Variants in PLXDC1 observed in about 807,000 individuals in gnomAD.
The protein encoded by PLXDC1 is plexin domain containing 1, also known as plexin domain-containing protein 1.
A neutral mutation model predicts 61.3 loss-of-function variants in PLXDC1; 39 were observed. The observed-to-expected ratio is 0.64, with a 90% CI of 0.49 to 0.83. PLXDC1 has a LOEUF of 0.83. Ranked by LOEUF, PLXDC1 falls within the 40% of genes least tolerant of loss-of-function variation. The probability of loss-of-function intolerance (pLI) is 0.00; values close to 1 mark genes in which losing one functional copy is unlikely to be tolerated. For synonymous variants in PLXDC1, 212 were observed against 254.5 expected (o/e 0.83, Z 1.59); for missense variants, 596 against 666.5 (o/e 0.89, Z 1.17).
At chr17:39,151,657 C>G (rs2045373983), upstream of PLXDC1, 1 of 494,446 alleles carries the variant, frequency 2.0e-6, no homozygotes, top group Non-Finnish European at 2.4e-6. The surrounding 1 kb of genome is among the most constrained non-coding windows in gnomAD (Gnocchi z 5.2). Flanking sequence ...GCTGGGGGGG[C>G]CGCTGGGTCG....
chr17:39,146,070 CTTTTTTTT>C (rs71141767), intron 1 of PLXDC1, among the ~76,000 whole-genome samples: 1 of 131,218 alleles, frequency 7.6e-6, no homozygotes, highest in Non-Finnish European at 1.6e-5. Flanking sequence ...CGGCCCATTC[CTTTTTTTT>C]TTTTTTTTTT....
At position 39,082,680 on chromosome 17, in the gene PLXDC1, C is replaced by T. The variant is rs556491899; in HGVS notation, c.989+779G>A. Among the ~76,000 whole-genome samples, 9 of 152,204 alleles carry T rather than the reference C, an allele frequency of 5.9e-5. No individual in the cohort carries two copies. The East Asian group carries it at 1.7e-3, about 29-fold the overall frequency. On this transcript the variant is annotated intron_variant, in intron 9 of 13. Coordinates refer to ENST00000315392, the MANE Select transcript of PLXDC1 (RefSeq NM_020405.5). ...GATTGCCTTAAAAGCCCTTGGAGTT[C>T]ATAGGACTTCCCACTCTCATGAGAA...
intron 2 of PLXDC1, among the ~76,000 whole-genome samples, chr17:39,127,416 T>A (rs1399842750): frequency 2.0e-5 from 3 of 151,984 alleles, no homozygotes; most frequent in Non-Finnish European, 4.4e-5. Context: ...TGCTTCCCAC[T>A]CCCACTGTGT....
At chr17:39,095,384 CCCCAA>C (rs1567759291) in intron 7 of PLXDC1, among the ~76,000 whole-genome samples, 1 of 35,164 alleles carries the variant, frequency 2.8e-5, no homozygotes, top group African/African-American at 1.1e-4. Context: ...CCCCCCAACC[CCCCAA>C]GCCTGGGTTA....
intron 2 of PLXDC1, chr17:39,131,870 A>T (rs959976571): frequency 1.3e-5 from 2 of 152,732 alleles, no homozygotes; most frequent in African/African-American, 4.8e-5. Flanking sequence ...CTGCGTTCTG[A>T]AAACCTTCTT....
intron 1 of PLXDC1, among the ~76,000 whole-genome samples, chr17:39,150,876 A>C (rs2045368029): frequency 6.6e-6 from 1 of 152,204 alleles, no homozygotes; most frequent in African/African-American, 2.4e-5. Flanking sequence ...TCCCAGGCAG[A>C]GACGCTGTGT....
In PLXDC1 at chr17:39,087,713, G is replaced by A. The variant is rs1185938657; in HGVS notation, c.812-11C>T. On this transcript the variant is annotated splice_polypyrimidine_tract_variant and intron_variant, in intron 7 of 13. Coordinates refer to ENST00000315392, the MANE Select transcript of PLXDC1 (RefSeq NM_020405.5). The stretch of plus-strand genomic sequence containing the variant: ...TCCTTCGCCGAGATTCTGAAACAGA[G>A]GCAGAGCCTGTTGTCAGGAGCATAT... The A allele has an allele frequency of 5.0e-6, 8 of 1,599,594 alleles. No homozygotes were observed. In the African/African-American group the frequency reaches 6.7e-5, roughly 13 times the overall value.
At chr17:39,088,979 A>G (rs1338968957) in intron 7 of PLXDC1, among the ~76,000 whole-genome samples, 52 of 87,100 alleles carry the variant, frequency 6.0e-4, no homozygotes, top group African/African-American at 1.7e-3. Flanking sequence ...GAGAGAGAAA[A>G]AGAAAGAAAG....
Position 39,108,246 on chromosome 17 carries a change from C to T in PLXDC1, c.470-1G>A, listed in dbSNP as rs1486414535. ...ATCACGTCCCCCATGAAGATGAAGC[C>T]TAGGGTGGGAGAGGTGCAGAGGAGT... On this transcript the variant is annotated splice_acceptor_variant, in intron 4 of 13. Coordinates refer to ENST00000315392, the MANE Select transcript of PLXDC1 (RefSeq NM_020405.5). LOFTEE classifies it high-confidence loss of function. 1 of 1,613,814 alleles carries T rather than the reference C, an allele frequency of 6.2e-7. No individual in the cohort carries two copies. The highest frequency in any genetic ancestry group is 8.5e-7 in the Non-Finnish European group (1 of 1,180,014).
chr17:39,148,223 A>G (rs990838669), intron 1 of PLXDC1, among the ~76,000 whole-genome samples: 1 of 151,826 alleles, frequency 6.6e-6, no homozygotes, highest in African/African-American at 2.4e-5. Flanking sequence ...TCCTTTTTTT[A>G]AAAAAAGATG....
chr17:39,144,968 A>G (rs948482526), intron 1 of PLXDC1: 1 of 152,256 alleles, frequency 6.6e-6, no homozygotes, highest in Non-Finnish European at 1.5e-5. Context: ...TGAAATAGTT[A>G]CTAGTTTAAA....
chr17:39,085,274 C>G (rs1438309893), intron 8 of PLXDC1, among the ~76,000 whole-genome samples: 1 of 152,294 alleles, frequency 6.6e-6, no homozygotes, highest in East Asian at 1.9e-4. Context: ...GCACTGTGTC[C>G]TTTTGTCTGC....
chr17:39,126,921 G>A (rs891543892), intron 2 of PLXDC1: 5 of 152,164 alleles, frequency 3.3e-5, no homozygotes, highest in Admixed American at 1.3e-4. Flanking sequence ...ATCGGATTCT[G>A]ATTCTGCAGG....
At chr17:39,079,819 C>T (rs1909485849) in intron 9 of PLXDC1, 1 of 319,088 alleles carries the variant, frequency 3.1e-6, no homozygotes, top group East Asian at 8.3e-5. Flanking sequence ...CCCACCAAGC[C>T]CTACTCAAGC....
In PLXDC1 at chr17:39,088,967, G is replaced by GAC. The variant is rs1179122288; in HGVS notation, c.812-1266_812-1265insGT. On this transcript the variant is annotated intron_variant, in intron 7 of 13. Coordinates refer to ENST00000315392, the MANE Select transcript of PLXDC1 (RefSeq NM_020405.5). ...TGAAAAAAAAAAAAAAAAAAAAAGA[G>GAC]AGAGAGAGAAAAAGAAAGAAAGAAA... is the stretch of plus-strand genomic sequence containing the variant. Among the ~76,000 whole-genome samples the GAC allele has an allele frequency of 4.7e-3, 568 of 120,678 alleles. 8 individuals are homozygous for GAC. Among genetic ancestry groups the GAC allele is most frequent in the African/African-American group, 0.016 (547 of 33,422 alleles). 79.2% of individuals were successfully genotyped at this position (120,678 alleles called of 152,430 possible). A position where few individuals can be genotyped will look rare whatever the true frequency, so the allele number is the denominator to read the frequency against.
intron 11 of PLXDC1, among the ~76,000 whole-genome samples, chr17:39,075,362 G>A (rs1014388614): frequency 6.6e-6 from 1 of 152,176 alleles, no homozygotes; most frequent in Admixed American, 6.5e-5. Context: ...GGGAGCTGTC[G>A]GAATCTGCCT....
At chr17:39,138,326 G>A (rs1911820286) in intron 2 of PLXDC1, among the ~76,000 whole-genome samples, 2 of 152,136 alleles carry the variant, frequency 1.3e-5, no homozygotes, top group Admixed American at 6.6e-5. Flanking sequence ...GCAGGAGAGG[G>A]GGCCAGGATC....
intron 7 of PLXDC1, among the ~76,000 whole-genome samples, chr17:39,097,927 A>AG (rs1910275495): frequency 6.9e-6 from 1 of 144,916 alleles, no homozygotes; most frequent in Non-Finnish European, 1.5e-5. Context: ...AAAAAAGGCC[A>AG]GGTGCAACGG....
intron 7 of PLXDC1, among the ~76,000 whole-genome samples, chr17:39,103,633 G>A (rs1910498520): frequency 6.6e-6 from 1 of 151,860 alleles, no homozygotes; most frequent in South Asian, 2.1e-4. Context: ...ATCACCTGAG[G>A]TCAGGAGTTT....
Sources: allele counts gnomAD v4.1 joint callset (sites outside exome capture counted in the v4.1 genomes callset), GRCh38; gene constraint gnomAD v4.1.1; non-coding constraint Gnocchi (gnomAD v3.1); transcripts MANE v1.5; gene names NCBI Gene and HGNC (gene_info 2026-07-23, HGNC 2026-07-21).